Variants in TMOD1 observed in about 807,000 individuals in gnomAD.
TMOD1 encodes the protein tropomodulin 1.
Under a neutral mutation model 40.6 loss-of-function variants are expected in TMOD1, and 17 were observed. That is an observed-to-expected ratio of 0.42 (90% confidence interval 0.29 to 0.63). The LOEUF (loss-of-function observed/expected upper bound fraction) is 0.63, where lower values mean the gene tolerates loss of function less well. Among genes scored for constraint, TMOD1 ranks in the 20% least tolerant of loss-of-function variants. The pLI is 0.22. For synonymous variants in TMOD1, 181 were observed against 175.0 expected (o/e 1.03, Z -0.27); for missense variants, 391 against 447.6 (o/e 0.87, Z 1.14).
At chr9:97,561,263 G>A (rs957452910) in intron 4 of TMOD1, among the ~76,000 whole-genome samples, 4 of 152,158 alleles carry the variant, frequency 2.6e-5, no homozygotes, top group African/African-American at 7.2e-5. Flanking sequence ...AAAGACACCC[G>A]AACTCCTTAC....
rs1375362096 is a variant in TMOD1, at chr9:97,502,848, G to A, written c.-49+1045G>A. Among the ~76,000 whole-genome samples, 22 of 152,210 alleles carry A rather than the reference G, an allele frequency of 1.4e-4. No individual in the cohort carries two copies. Among genetic ancestry groups the A allele is most frequent in the Admixed American group, 1.2e-3 (18 of 15,284 alleles). On this transcript the variant is annotated intron_variant, in intron 1 of 9. Transcript: ENST00000259365. The surrounding 1 kb of genome is among the most constrained non-coding windows in gnomAD (Gnocchi z 6.1). The stretch of plus-strand genomic sequence containing the variant: ...CTTCAGATGCGATGAGCTGGGCAGG[G>A]GCAGTGGTTCCAGTACAGCCGCTCC...
intron 2 of TMOD1, among the ~76,000 whole-genome samples, chr9:97,545,336 C>G (rs1830344198): frequency 6.6e-6 from 1 of 152,208 alleles, no homozygotes; most frequent in Non-Finnish European, 1.5e-5. Context: ...TTCTTTGACT[C>G]CCTAAGGTAC....
chr9:97,580,215 G>T (rs901765177), intron 8 of TMOD1, among the ~76,000 whole-genome samples: 2 of 152,122 alleles, frequency 1.3e-5, no homozygotes, highest in Non-Finnish European at 2.9e-5. Flanking sequence ...AGAGGTGGTT[G>T]TGTATTTCTG....
At chr9:97,509,425 C>T (rs535071994) in intron 1 of TMOD1, among the ~76,000 whole-genome samples, 1 of 150,784 alleles carries the variant, frequency 6.6e-6, no homozygotes, top group South Asian at 2.1e-4. Context: ...TTGTATGTCT[C>T]TAATTTATTT....
intron 8 of TMOD1, among the ~76,000 whole-genome samples, chr9:97,571,766 G>T (rs1161443589): frequency 6.6e-6 from 1 of 152,226 alleles, no homozygotes; most frequent in Admixed American, 6.5e-5. Context: ...GCCTGTCTGG[G>T]TTCTTGAAGC....
At chr9:97,559,230 C>G (rs937682937) in intron 4 of TMOD1, among the ~76,000 whole-genome samples, 1 of 152,168 alleles carries the variant, frequency 6.6e-6, no homozygotes, top group Admixed American at 6.5e-5. Context: ...TCTGATTCAC[C>G]TGCTGCTGAC....
intron 7 of TMOD1, among the ~76,000 whole-genome samples, chr9:97,566,294 C>T (rs140249582): frequency 2.8e-3 from 420 of 152,298 alleles, no homozygotes; most frequent in African/African-American, 9.6e-3. Context: ...AGTGCAGTCA[C>T]GTGACCCCTA....
In TMOD1 at chr9:97,524,140, G is replaced by A. The variant is rs1239050230; in HGVS notation, c.-48-1G>A. 1 of 1,583,866 alleles carries A rather than the reference G, an allele frequency of 6.3e-7. No homozygotes were observed. Among genetic ancestry groups the A allele is most frequent in the East Asian group, 2.2e-5 (1 of 44,498 alleles). ...TTCTAAGGTTCTTGTCTTTCTGGTA[G>A]GTATTACTCAGCACAGAAATTCAGG... On this transcript the variant is annotated splice_acceptor_variant, in intron 1 of 9. Transcript: ENST00000259365. LOFTEE classifies it low-confidence loss of function (5UTR_SPLICE).
chr9:97,545,662 G>A lies in TMOD1; in HGVS notation c.121-523G>A, dbSNP rs985703604. ...CACTGCTCACCTCGCTGCTTTCCTGGGCCTTTCTCCAGCTTTTTTTTTGGT... is the reference window on the plus strand; with the variant it reads ...CACTGCTCACCTCGCTGCTTTCCTGAGCCTTTCTCCAGCTTTTTTTTTGGT... On this transcript the variant is annotated intron_variant, in intron 2 of 9. Transcript: ENST00000259365. Among the ~76,000 whole-genome samples, 9 of 152,206 alleles carry A rather than the reference G, an allele frequency of 5.9e-5. No homozygotes were observed. The East Asian group carries it at 1.7e-3, about 29-fold the overall frequency.
rs1160751482 is a variant in TMOD1, at chr9:97,585,293, G to A, written c.871-5998G>A. Among the ~76,000 whole-genome samples the A allele has an allele frequency of 2.0e-5, 3 of 150,108 alleles. No individual in the cohort carries two copies. In the East Asian group the frequency reaches 5.9e-4, roughly 30 times the overall value. ...TAGTTTGGCTGGATATGAAATTCTG[G>A]GTTGAAAATTCTTTTCTTTAAGAAT... On this transcript the variant is annotated intron_variant, in intron 8 of 9. Transcript: ENST00000259365.
chr9:97,591,191 CA>C lies in TMOD1; in HGVS notation c.871-99del, dbSNP rs1259588923. ...TGGAGAGGAGGCTAAAATCCCCTCC[CA>C]CTACTCAAGAGTTTCTGCAGGTAGA... On this transcript the variant is annotated intron_variant, in intron 8 of 9. Transcript: ENST00000259365. The C allele has an allele frequency of 3.9e-6, 5 of 1,281,382 alleles. No homozygotes were observed. The African/African-American group carries it at 7.5e-5, about 19-fold the overall frequency. The allele number at this position is 1,281,382 out of a possible 1,614,324, so 79.4% of individuals were successfully genotyped here. A position where few individuals can be genotyped will look rare whatever the true frequency, so the allele number is the denominator to read the frequency against.
chr9:97,559,780 A>AAAAAAAAAAAAG, intron 4 of TMOD1, among the ~76,000 whole-genome samples: 1 of 33,768 alleles, frequency 3.0e-5, no homozygotes, highest in African/African-American at 1.2e-4. Flanking sequence ...TTTAAAAAAA[A>AAAAAAAAAAAAG]AAAAAAAAAA....
rs573372854 is a variant in TMOD1 at position 97,535,375 on chromosome 9, C to T, written c.121-10810C>T. On this transcript the variant is annotated intron_variant, in intron 2 of 9. Coordinates refer to ENST00000259365, the MANE Select transcript of TMOD1 (RefSeq NM_003275.4). Reference sequence around the variant, plus strand: ...TGCCTCCCCTAGCAGGCCATGCCGCCCTCATCTGCTGGGCCTCTGCTGCAC... The same window carrying T: ...TGCCTCCCCTAGCAGGCCATGCCGCTCTCATCTGCTGGGCCTCTGCTGCAC... 4.3e-4 allele frequency among the ~76,000 whole-genome samples: 66 copies of T among 152,278 alleles called. 2 individuals are homozygous for T. The highest frequency in any genetic ancestry group is 1.6e-3 in the African/African-American group (65 of 41,556).
chr9:97,501,550 G>A (rs904980322), upstream of TMOD1: 5 of 150,770 alleles, frequency 3.3e-5, no homozygotes, highest in Admixed American at 6.6e-5. Context: ...CGAGTGGAGG[G>A]GGGGGGAAGG....
intron 1 of TMOD1, among the ~76,000 whole-genome samples, chr9:97,509,916 C>G (rs1269827357): frequency 6.6e-6 from 1 of 152,040 alleles, no homozygotes; most frequent in African/African-American, 2.4e-5. Context: ...ATTAGTATTT[C>G]CTTTTGTGTG....
At chr9:97,550,556 T>C (rs1023498238) in intron 3 of TMOD1, among the ~76,000 whole-genome samples, 2 of 152,222 alleles carry the variant, frequency 1.3e-5, no homozygotes, top group African/African-American at 4.8e-5. Flanking sequence ...TTTAAAATTG[T>C]AGCCATCCTC....
intron 1 of TMOD1, among the ~76,000 whole-genome samples, chr9:97,506,142 C>T (rs906284178): frequency 6.6e-6 from 1 of 152,172 alleles, no homozygotes; most frequent in African/African-American, 2.4e-5. Flanking sequence ...GCTGTTCTCC[C>T]TCTTCTCAGT....
chr9:97,506,213 AG>A (rs1829588380), intron 1 of TMOD1, among the ~76,000 whole-genome samples: 1 of 152,180 alleles, frequency 6.6e-6, no homozygotes, highest in Admixed American at 6.5e-5. Context: ...GTACCCCCAC[AG>A]CCCCCTGTGC....
At chr9:97,504,946 A>T (rs1829569701) in intron 1 of TMOD1, among the ~76,000 whole-genome samples, 1 of 152,242 alleles carries the variant, frequency 6.6e-6, no homozygotes, top group Non-Finnish European at 1.5e-5. Context: ...TTATCAGTTT[A>T]AAACCACAGG....
Sources: allele counts gnomAD v4.1 joint callset (sites outside exome capture counted in the v4.1 genomes callset), GRCh38; gene constraint gnomAD v4.1.1; non-coding constraint Gnocchi (gnomAD v3.1); transcripts MANE v1.5; gene names NCBI Gene and HGNC (gene_info 2026-07-23, HGNC 2026-07-21).